MBOAT1: variants seen among roughly 807,000 people sequenced by gnomAD.
MBOAT1 encodes membrane-bound glycerophospholipid O-acyltransferase 1.
In MBOAT1, 67 loss-of-function variants were observed where a neutral mutation model predicts 64.4. The observed-to-expected ratio is 1.04, with a 90% CI of 0.85 to 1.27. MBOAT1 has a LOEUF of 1.27. Ranked by LOEUF, MBOAT1 falls within the 50% of genes most tolerant of loss-of-function variation. The pLI is 0.00. For missense variants in MBOAT1, 563 were observed against 604.6 expected (o/e 0.93, Z 0.72); for synonymous variants, 229 against 218.9 (o/e 1.05, Z -0.41).
At chr6:20,204,480 G>A (rs4712463) in intron 1 of MBOAT1, among the ~76,000 whole-genome samples, 40,942 of 151,878 alleles carry the variant, frequency 0.27, 6,013 homozygotes, top group East Asian at 0.47. Flanking sequence ...TATCTAAGAA[G>A]TAAAGTAAAA....
At chr6:20,178,513 G>C (rs897975646) in intron 1 of MBOAT1, among the ~76,000 whole-genome samples, 3 of 152,142 alleles carry the variant, frequency 2.0e-5, no homozygotes, top group African/African-American at 7.2e-5. Context: ...CTTCCCTTTA[G>C]AGCACAGGAT....
At chr6:20,190,080 C>T (rs1273197713) in intron 1 of MBOAT1, among the ~76,000 whole-genome samples, 3 of 151,964 alleles carry the variant, frequency 2.0e-5, no homozygotes, top group Non-Finnish European at 2.9e-5. Context: ...CTGCAACCTC[C>T]GCCTCCTGGG....
chr6:20,146,062 G>A (rs939131396), intron 3 of MBOAT1, among the ~76,000 whole-genome samples: 2 of 152,214 alleles, frequency 1.3e-5, no homozygotes, highest in African/African-American at 4.8e-5. Context: ...ACACATGGGA[G>A]GGGTTCAGTT....
chr6:20,109,877 T>C, intron 11 of MBOAT1, 128 bp from the exon 12 acceptor site: 1 of 876,514 alleles, frequency 1.1e-6, no homozygotes, highest in Middle Eastern at 3.6e-4. Context: ...CTGAGTTGTA[T>C]TTTCGACTAC....
intron 12 of MBOAT1, among the ~76,000 whole-genome samples, chr6:20,107,385 C>A (rs939322688): frequency 6.6e-6 from 1 of 151,820 alleles, no homozygotes; most frequent in Non-Finnish European, 1.5e-5. Flanking sequence ...CCACAATGCC[C>A]TCCTTGCCCA....
intron 11 of MBOAT1, 152 bp from the exon 12 acceptor site, chr6:20,109,901 A>ATTTTTTTTTTTTTTTTT (rs756853889): frequency 3.4e-6 from 1 of 296,680 alleles, no homozygotes; most frequent in African/African-American, 2.6e-5. Flanking sequence ...TACCATCAGG[A>ATTTTTTTTTTTTTTTTT]CTTTTTTTTT....
At chr6:20,190,529 T>C (rs1762774815) in intron 1 of MBOAT1, among the ~76,000 whole-genome samples, 1 of 152,232 alleles carries the variant, frequency 6.6e-6, no homozygotes. Flanking sequence ...CACACTGCTC[T>C]ACCACTTGTT....
At chr6:20,204,668 AG>A (rs1246779031) in intron 1 of MBOAT1, among the ~76,000 whole-genome samples, 1 of 152,184 alleles carries the variant, frequency 6.6e-6, no homozygotes, top group East Asian at 1.9e-4. Context: ...TCCAAGGAGA[AG>A]GAAGTGTGTG....
intron 1 of MBOAT1, among the ~76,000 whole-genome samples, chr6:20,168,599 G>GAGAAGAGAAGAGAAGAGA (rs1244703112): frequency 1.2e-4 from 10 of 84,724 alleles, no homozygotes; most frequent in Non-Finnish European, 2.0e-4. Context: ...GGGAGAGAAA[G>GAGAAGAGAAGAGAAGAGA]AGAGAAGAGA....
At chr6:20,113,951 T>C (rs1760248681) in intron 10 of MBOAT1, among the ~76,000 whole-genome samples, 3 of 152,168 alleles carry the variant, frequency 2.0e-5, no homozygotes, top group African/African-American at 7.2e-5. Flanking sequence ...TGGTGCTCTC[T>C]TCATAGGAAG....
chr6:20,112,783 C>T (rs1760204535), intron 11 of MBOAT1, 93 bp downstream of exon 11: 3 of 1,390,900 alleles, frequency 2.2e-6, no homozygotes, highest in Non-Finnish European at 2.9e-6. Context: ...ACCTTCACAT[C>T]CCACCCCCAA....
chr6:20,154,688 T>C (rs1761624646), intron 1 of MBOAT1, among the ~76,000 whole-genome samples: 1 of 152,232 alleles, frequency 6.6e-6, no homozygotes. Flanking sequence ...CTGCGTGATT[T>C]GGTCATATCT....
chr6:20,100,245 C>T lies in MBOAT1; in HGVS notation c.*2041G>A, dbSNP rs907753874. Among the ~76,000 whole-genome samples the T allele has an allele frequency of 6.6e-6, 1 of 152,186 alleles. No homozygotes were observed. The highest frequency in any genetic ancestry group is 1.5e-5 in the Non-Finnish European group (1 of 68,040). ...AATCACATTGTAAATTCAAAGACTT[C>T]ACTGTAATATGATTATTCCACATAC... is the stretch of plus-strand genomic sequence containing the variant. On this transcript the variant is annotated 3_prime_UTR_variant, in exon 13 of 13. Transcript: ENST00000324607.
intron 1 of MBOAT1, among the ~76,000 whole-genome samples, chr6:20,182,288 G>A (rs1317652146): frequency 6.6e-6 from 1 of 152,122 alleles, no homozygotes. Flanking sequence ...CACCTTCTAC[G>A]TGTCCTTACA....
At chr6:20,176,991 T>A (rs10946364) in intron 1 of MBOAT1, among the ~76,000 whole-genome samples, 51,727 of 152,100 alleles carry the variant, frequency 0.34, 9,580 homozygotes, top group East Asian at 0.45. Context: ...TCATTATAAT[T>A]ATGGTCAGAA....
intron 4 of MBOAT1, 41 bp from the exon 5 acceptor site, chr6:20,131,240 C>T (rs1760819672): frequency 5.1e-6 from 8 of 1,565,552 alleles, no homozygotes; most frequent in Non-Finnish European, 7.0e-6. Flanking sequence ...GGCAAGAAGG[C>T]CATTGATGTG....
chr6:20,150,260 C>T (rs569808599), intron 3 of MBOAT1, among the ~76,000 whole-genome samples: 5 of 151,984 alleles, frequency 3.3e-5, no homozygotes, highest in African/African-American at 9.7e-5. Flanking sequence ...TTAGTGTACA[C>T]GTAGAAAGTA....
intron 4 of MBOAT1, among the ~76,000 whole-genome samples, chr6:20,140,453 T>C (rs1015604933): frequency 6.6e-6 from 1 of 152,204 alleles, no homozygotes; most frequent in African/African-American, 2.4e-5. Flanking sequence ...GATTAGCATT[T>C]GAATCCATGG....
At chr6:20,211,894 C>T (rs774686770) in intron 1 of MBOAT1, among the ~76,000 whole-genome samples, 1 of 151,946 alleles carries the variant, frequency 6.6e-6, no homozygotes, top group African/African-American at 2.4e-5. Context: ...TTCAGTAGAA[C>T]TTGCCGCGCA....
Sources: allele counts gnomAD v4.1 joint callset (sites outside exome capture counted in the v4.1 genomes callset), GRCh38; gene constraint gnomAD v4.1.1; transcripts MANE v1.5; gene names NCBI Gene and HGNC (gene_info 2026-07-23, HGNC 2026-07-21).